The following CFAP299 variants were observed in gnomAD, a reference collection of about 807,000 sequenced individuals.
CFAP299 encodes the protein cilia- and flagella-associated protein 299.
CFAP299 carries 21 observed loss-of-function variants against 27.0 expected under a neutral mutation model. The observed-to-expected ratio is 0.78, with a 90% CI of 0.55 to 1.12. The LOEUF is 1.12. Ranked by LOEUF, CFAP299 falls within the 50% of genes most tolerant of loss-of-function variation. The probability of loss-of-function intolerance (pLI) is 0.00; values close to 1 mark genes in which losing one functional copy is unlikely to be tolerated. For synonymous variants in CFAP299, 104 were observed against 98.1 expected (o/e 1.06, Z -0.36); for missense variants, 310 against 276.6 (o/e 1.12, Z -0.86).
At chr4:80,325,361 CTATT>C in the CFAP299 span, among the ~76,000 whole-genome samples, 14 of 152,154 alleles carry the variant, frequency 9.2e-5, no homozygotes, top group African/African-American at 3.4e-4. Flanking sequence ...ATAATAGTAT[CTATT>C]TATAACAACT....
At chr4:80,429,671 C>G (rs1048043457) in intron 2 of CFAP299, among the ~76,000 whole-genome samples, 1 of 152,066 alleles carries the variant, frequency 6.6e-6, no homozygotes, top group Non-Finnish European at 1.5e-5. Flanking sequence ...TGTTGAATAA[C>G]TATATCATAG....
intron 2 of CFAP299, among the ~76,000 whole-genome samples, chr4:80,476,276 T>G (rs1730268967): frequency 6.6e-6 from 1 of 152,178 alleles, no homozygotes; most frequent in African/African-American, 2.4e-5. Flanking sequence ...TAACTGACTC[T>G]AGACAGATTA....
At chr4:80,736,403 C>T (rs936817955) in intron 3 of CFAP299, among the ~76,000 whole-genome samples, 5 of 151,710 alleles carry the variant, frequency 3.3e-5, no homozygotes, top group African/African-American at 1.2e-4. Flanking sequence ...GATATTTTCG[C>T]AACCTACTCA....
At chr4:80,611,256 T>A (rs1204058958) in intron 3 of CFAP299, among the ~76,000 whole-genome samples, 2 of 152,126 alleles carry the variant, frequency 1.3e-5, no homozygotes, top group Non-Finnish European at 2.9e-5. Flanking sequence ...TTTAACACCA[T>A]GTTTTTTTCT....
chr4:80,683,142 TGTG>T (rs1220073939), intron 3 of CFAP299, among the ~76,000 whole-genome samples: 1 of 152,186 alleles, frequency 6.6e-6, no homozygotes, highest in Non-Finnish European at 1.5e-5. Flanking sequence ...CATGGACTGA[TGTG>T]GTGATGGTGG....
intron 3 of CFAP299, among the ~76,000 whole-genome samples, chr4:80,650,574 G>T (rs1231507683): frequency 6.6e-6 from 1 of 152,088 alleles, no homozygotes; most frequent in Non-Finnish European, 1.5e-5. Flanking sequence ...CCATGGGGAT[G>T]AACTACCTGA....
intron 3 of CFAP299, among the ~76,000 whole-genome samples, chr4:80,640,309 C>T (rs1023119993): frequency 2.6e-5 from 4 of 151,988 alleles, no homozygotes; most frequent in African/African-American, 9.7e-5. Flanking sequence ...TCAGAGCTGG[C>T]AAGAGGTGAA....
intron 3 of CFAP299, among the ~76,000 whole-genome samples, chr4:80,711,638 C>G (rs1435770632): frequency 6.6e-6 from 1 of 152,146 alleles, no homozygotes; most frequent in African/African-American, 2.4e-5. Context: ...TTGTGAGTAG[C>G]AGGGCCAGGG....
intron 2 of CFAP299, among the ~76,000 whole-genome samples, chr4:80,425,134 AAC>A (rs1727472848): frequency 6.6e-6 from 1 of 152,194 alleles, no homozygotes; most frequent in African/African-American, 2.4e-5. Context: ...TCCCCAATGC[AAC>A]AGTGTTGGAA....
intron 3 of CFAP299, among the ~76,000 whole-genome samples, chr4:80,833,666 T>C (rs1168523070): frequency 3.3e-5 from 5 of 152,210 alleles, no homozygotes; most frequent in Admixed American, 2.6e-4. Context: ...ATAGGTGTGC[T>C]TGATTATTGG....
At chr4:80,395,306 GGTAGA>G (rs1429442224) in intron 2 of CFAP299, among the ~76,000 whole-genome samples, 10 of 151,852 alleles carry the variant, frequency 6.6e-5, no homozygotes, top group Non-Finnish European at 1.5e-4. Context: ...AGTAATTTTT[GGTAGA>G]GTTTTTAAGC....
intron 4 of CFAP299, among the ~76,000 whole-genome samples, chr4:80,924,398 T>C (rs1022438439): frequency 6.6e-6 from 1 of 151,792 alleles, no homozygotes; most frequent in African/African-American, 2.4e-5. Context: ...CTGTTACTTG[T>C]GGCAGACCAA....
chr4:80,669,116 T>TA (rs1741302496), intron 3 of CFAP299, among the ~76,000 whole-genome samples: 1 of 147,002 alleles, frequency 6.8e-6, no homozygotes. Context: ...TTTCTTTTCT[T>TA]TTCTTTTCTT....
At chr4:80,756,735 A>G (rs1725259146) in intron 3 of CFAP299, among the ~76,000 whole-genome samples, 1 of 152,166 alleles carries the variant, frequency 6.6e-6, no homozygotes, top group African/African-American at 2.4e-5. Flanking sequence ...TCACAGAGCT[A>G]TATGGCCCAC....
chr4:80,426,025 G>T (rs1054986587), intron 2 of CFAP299, among the ~76,000 whole-genome samples: 4 of 152,052 alleles, frequency 2.6e-5, no homozygotes, highest in Non-Finnish European at 5.9e-5. Context: ...GGATCATTTA[G>T]TCAACAGCTA....
chr4:80,938,243 G>A (rs115638746), intron 4 of CFAP299, among the ~76,000 whole-genome samples: 2,676 of 152,286 alleles, frequency 0.018, 96 homozygotes, highest in African/African-American at 0.061. Context: ...AAAACGGGCC[G>A]TAAACAAAAG....
intron 3 of CFAP299, among the ~76,000 whole-genome samples, chr4:80,648,507 T>C (rs770804032): frequency 6.6e-6 from 1 of 152,188 alleles, no homozygotes; most frequent in Non-Finnish European, 1.5e-5. Context: ...TAGTTCAACT[T>C]TGAGAGTTCA....
chr4:80,753,633 G>C (rs1469019550), intron 3 of CFAP299, among the ~76,000 whole-genome samples: 1 of 151,776 alleles, frequency 6.6e-6, no homozygotes, highest in Non-Finnish European at 1.5e-5. Flanking sequence ...ACATACGTTG[G>C]ACTCTTTGAT....
At chr4:80,576,079 A>G (rs1034328428) in intron 2 of CFAP299, among the ~76,000 whole-genome samples, 1 of 151,946 alleles carries the variant, frequency 6.6e-6, no homozygotes, top group Non-Finnish European at 1.5e-5. Flanking sequence ...AGATATACCT[A>G]ATGTAAATGA....
Sources: allele counts gnomAD v4.1 joint callset (sites outside exome capture counted in the v4.1 genomes callset), GRCh38; gene constraint gnomAD v4.1.1; transcripts MANE v1.5; gene names NCBI Gene and HGNC (gene_info 2026-07-23, HGNC 2026-07-21).